Variants in EEFSEC observed in about 807,000 individuals in gnomAD.
The protein encoded by EEFSEC is selenocysteine-specific elongation factor.
EEFSEC carries 43 observed loss-of-function variants against 42.1 expected under a neutral mutation model. That is an observed-to-expected ratio of 1.02 (90% CI 0.80 to 1.32). EEFSEC has a LOEUF of 1.32. Among genes scored for constraint, EEFSEC ranks in the 40% most tolerant of loss-of-function variants. EEFSEC has a pLI of 0.00. For missense variants in EEFSEC, 745 were observed against 803.6 expected (o/e 0.93, Z 0.88); for synonymous variants, 354 against 339.1 (o/e 1.04, Z -0.48).
intron 4 of EEFSEC, among the ~76,000 whole-genome samples, chr3:128,333,843 T>C (rs1576646302): frequency 6.6e-6 from 1 of 152,154 alleles, no homozygotes; most frequent in Admixed American, 6.5e-5. Context: ...CCATGCAGAA[T>C]CCTCAAAACA....
chr3:128,292,100 T>C (rs1303864359), intron 4 of EEFSEC, among the ~76,000 whole-genome samples: 1 of 152,186 alleles, frequency 6.6e-6, no homozygotes, highest in Non-Finnish European at 1.5e-5. Context: ...GTAGGTTACA[T>C]ATATTGTTAA....
intron 1 of EEFSEC, among the ~76,000 whole-genome samples, chr3:128,197,747 C>T (rs2065600401): frequency 2.0e-5 from 3 of 152,248 alleles, no homozygotes; most frequent in African/African-American, 7.2e-5. Context: ...ATCTGATTCT[C>T]ACCTGGATGC....
chr3:128,217,671 G>T (rs552187158), intron 1 of EEFSEC, among the ~76,000 whole-genome samples: 6 of 152,240 alleles, frequency 3.9e-5, no homozygotes, highest in Non-Finnish European at 5.9e-5. Context: ...AGCACCTGGG[G>T]CATAGCACCA....
At chr3:128,403,149 C>A (rs529592048) in intron 6 of EEFSEC, among the ~76,000 whole-genome samples, 1 of 152,128 alleles carries the variant, frequency 6.6e-6, no homozygotes, top group African/African-American at 2.4e-5. Flanking sequence ...CTGCAGCTGC[C>A]GGAGCTCCCA....
chr3:128,240,818 C>A (rs1179553472), intron 1 of EEFSEC, among the ~76,000 whole-genome samples: 2 of 152,352 alleles, frequency 1.3e-5, no homozygotes, highest in Admixed American at 1.3e-4. Context: ...TGGGTTCTTG[C>A]CCCTAGTTGG....
intron 4 of EEFSEC, among the ~76,000 whole-genome samples, chr3:128,318,004 G>A (rs549463178): frequency 6.6e-6 from 1 of 152,346 alleles, no homozygotes; most frequent in African/African-American, 2.4e-5. Flanking sequence ...GCAGAGGCAG[G>A]ATGGAGTTGT....
At chr3:128,233,391 G>A (rs919975922) in intron 1 of EEFSEC, among the ~76,000 whole-genome samples, 5 of 152,176 alleles carry the variant, frequency 3.3e-5, no homozygotes, top group African/African-American at 1.2e-4. Context: ...GTATCCATGG[G>A]TCTGGCAGAA....
rs2068143005 is a variant in EEFSEC, at chr3:128,408,164, GCCGAGCGGAGCGAGC to G, written c.1699_1713del (p.Glu567_Pro571del). 8 of 1,612,698 alleles carry G rather than the reference GCCGAGCGGAGCGAGC, an allele frequency of 5.0e-6. No homozygotes were observed. The highest frequency in any genetic ancestry group is 6.8e-6 in the Non-Finnish European group (8 of 1,179,442). ...GGAGGCCACCAGGCAGGAGGAGAGC[GCCGAGCGGAGCGAGC>G]CCTCACAGCATGTGGTGCTCAGCCT... On this transcript the variant is annotated inframe_deletion, in exon 7 of 7. Transcript: ENST00000254730.
At chr3:128,375,791 G>A (rs1054280833) in intron 6 of EEFSEC, among the ~76,000 whole-genome samples, 2 of 152,224 alleles carry the variant, frequency 1.3e-5, no homozygotes, top group African/African-American at 4.8e-5. Flanking sequence ...GCTGGGAGGT[G>A]CTCCCAAGTG....
intron 5 of EEFSEC, among the ~76,000 whole-genome samples, chr3:128,346,065 A>G (rs1461655075): frequency 6.6e-6 from 1 of 152,252 alleles, no homozygotes; most frequent in Non-Finnish European, 1.5e-5. Flanking sequence ...CTAATTTCCA[A>G]GCCTCTGCAG....
At chr3:128,316,067 G>A (rs955280667) in intron 4 of EEFSEC, among the ~76,000 whole-genome samples, 1 of 152,220 alleles carries the variant, frequency 6.6e-6, no homozygotes, top group Non-Finnish European at 1.5e-5. Flanking sequence ...AAAAGACCAA[G>A]TCCTTTTGAT....
chr3:128,350,111 A>T (rs1407663792), intron 5 of EEFSEC, among the ~76,000 whole-genome samples: 1 of 152,192 alleles, frequency 6.6e-6, no homozygotes, highest in Non-Finnish European at 1.5e-5. Flanking sequence ...AAACATGCAG[A>T]CGCCATCAGG....
At chr3:128,293,945 A>G (rs2066674893) in intron 4 of EEFSEC, among the ~76,000 whole-genome samples, 1 of 152,232 alleles carries the variant, frequency 6.6e-6, no homozygotes, top group African/African-American at 2.4e-5. Flanking sequence ...GCAGTACTCA[A>G]AGAAGTTAGG....
intron 2 of EEFSEC, among the ~76,000 whole-genome samples, chr3:128,255,588 A>T (rs561756884): frequency 6.6e-6 from 1 of 152,226 alleles, no homozygotes; most frequent in African/African-American, 2.4e-5. Context: ...ACTGGCGCAG[A>T]GGAAGTACTT....
At chr3:128,412,356 C>T (rs1053306859), downstream of EEFSEC, among the ~76,000 whole-genome samples, 1 of 152,240 alleles carries the variant, frequency 6.6e-6, no homozygotes, top group African/African-American at 2.4e-5. Flanking sequence ...CGAGCAGCCT[C>T]CATGTGGGGG....
chr3:128,248,214 G>A (rs1406532671), intron 2 of EEFSEC, among the ~76,000 whole-genome samples: 1 of 152,186 alleles, frequency 6.6e-6, no homozygotes, highest in African/African-American at 2.4e-5. Flanking sequence ...TGGGAGACAG[G>A]GATGCTTCCT....
Position 128,246,918 on chromosome 3 carries a change from C to T in EEFSEC, c.399C>T (p.Ile133=), listed in dbSNP as rs766788552. 1.5e-5 allele frequency: 25 copies of T among 1,614,172 alleles called. No homozygotes were observed. The highest frequency in any genetic ancestry group is 1.8e-5 in the Non-Finnish European group (21 of 1,180,040). ...MQTQSAECLV[I]GQIACQKLVV... is the part of the protein sequence containing the mutation. ...CCCAGTCAGCGGAATGCCTTGTGAT[C>T]GGCCAGATTGCCTGCCAGAAGCTGG... is the stretch of plus-strand genomic sequence containing the variant. Residue 133 remains isoleucine (I), a synonymous_variant, in exon 2 of 7, where the codon ATC becomes ATT. Coordinates refer to ENST00000254730, the MANE Select transcript of EEFSEC (RefSeq NM_021937.5).
chr3:128,314,048 A>G (rs904464821), intron 4 of EEFSEC, among the ~76,000 whole-genome samples: 14 of 152,186 alleles, frequency 9.2e-5, no homozygotes, highest in African/African-American at 3.4e-4. Flanking sequence ...ACATCTGTAC[A>G]TGTGGATGTC....
intron 1 of EEFSEC, among the ~76,000 whole-genome samples, chr3:128,241,201 C>CTT (rs373420882): frequency 0.45 from 36,263 of 80,712 alleles, 10,691 homozygotes; most frequent in Middle Eastern, 0.58. Context: ...CTCTCTCTCT[C>CTT]TTTTTTTTTT....
Sources: gnomAD v4.1 joint callset for allele counts (sites outside exome capture counted in the v4.1 genomes callset) on GRCh38, gnomAD v4.1.1 for gene constraint, MANE v1.5 for transcripts, NCBI Gene and HGNC (gene_info 2026-07-23, HGNC 2026-07-21) for gene names.